The following NCOA1 variants were observed in gnomAD, a reference collection of about 807,000 sequenced individuals.
NCOA1 encodes the protein nuclear receptor coactivator 1, also known as Hin-2 protein.
NCOA1 carries 35 observed loss-of-function variants against 150.9 expected under a neutral mutation model. The observed-to-expected ratio is 0.23, with a 90% CI of 0.18 to 0.31. The LOEUF (loss-of-function observed/expected upper bound fraction) is 0.31. Ranked by LOEUF, NCOA1 falls within the 10% of genes least tolerant of loss-of-function variation. The probability of loss-of-function intolerance (pLI) is 1.00; values close to 1 mark genes in which losing one functional copy is unlikely to be tolerated. For missense variants in NCOA1, 1,491 were observed against 1,749.3 expected (o/e 0.85, Z 2.63); for synonymous variants, 590 against 630.0 (o/e 0.94, Z 0.95).
intron 6 of NCOA1, 100 bp from the exon 7 acceptor site, chr2:24,673,265 AT>A (rs1258443125): frequency 2.9e-6 from 2 of 696,114 alleles, no homozygotes; most frequent in Middle Eastern, 4.1e-4. Context: ...ACTAAATGTT[AT>A]TTGAATTTGA....
At chr2:24,749,824 A>C (rs912691001) in intron 19 of NCOA1, among the ~76,000 whole-genome samples, 1 of 152,250 alleles carries the variant, frequency 6.6e-6, no homozygotes, top group Non-Finnish European at 1.5e-5. Context: ...ACCTGTAATG[A>C]GGAGAAAAAT....
intron 2 of NCOA1, among the ~76,000 whole-genome samples, chr2:24,577,938 C>G (rs759102186): frequency 6.6e-5 from 10 of 152,146 alleles, no homozygotes; most frequent in African/African-American, 2.2e-4. Flanking sequence ...TCAACCTTAT[C>G]TGAGTTTACC....
intron 1 of NCOA1, among the ~76,000 whole-genome samples, chr2:24,498,927 A>T (rs906796808): frequency 6.6e-6 from 1 of 152,150 alleles, no homozygotes; most frequent in Non-Finnish European, 1.5e-5. Context: ...ATTTTTATGT[A>T]TATTTAAACA....
chr2:24,499,530 CTTTTT>C (rs576933914), intron 1 of NCOA1, among the ~76,000 whole-genome samples: 1 of 148,926 alleles, frequency 6.7e-6, no homozygotes, highest in Admixed American at 6.7e-5. Context: ...ATACCATTGA[CTTTTT>C]TTTTTAAGCA....
Position 24,707,140 on chromosome 2 carries a change from G to A in NCOA1, c.1670G>A (p.Ser557Asn). 1.2e-6 allele frequency: 2 copies of A among 1,614,206 alleles called. No individual in the cohort carries two copies. Among genetic ancestry groups the A allele is most frequent in the Non-Finnish European group, 1.7e-6 (2 of 1,180,036 alleles). Residue 557 changes from serine (S) to asparagine (N), a missense_variant, in exon 13 of 23, where the codon AGT becomes AAT. Coordinates refer to ENST00000348332, the MANE Select transcript of NCOA1 (RefSeq NM_003743.5). ...GPNNSVGFSASSPVLRQMSSQ... is the reference protein window; with the variant it reads ...GPNNSVGFSANSPVLRQMSSQ... ...AATAACTCCGTTGGCTTCTCTGCCA[G>A]TTCTCCAGTCCTCAGGCAGATGAGC...
In NCOA1 at chr2:24,710,972, G is replaced by T; in HGVS notation, c.2460G>T (p.Thr820=). ...DLDQFDQLLP[T]LEKAAQLPGL... The stretch of plus-strand genomic sequence containing the variant: ...ACCAGTTTGATCAGTTACTGCCCAC[G>T]CTGGAGAAGGCAGCACAGTTGCCAG... Residue 820 remains threonine, a synonymous_variant, in exon 14 of 23, where the codon ACG becomes ACT. Coordinates refer to ENST00000348332, the MANE Select transcript of NCOA1 (RefSeq NM_003743.5). 4 of 1,614,046 alleles carry T rather than the reference G, an allele frequency of 2.5e-6. No homozygotes were observed. The highest frequency in any genetic ancestry group is 3.4e-6 in the Non-Finnish European group (4 of 1,179,982).
At chr2:24,513,515 GC>G (rs1395852464) in intron 1 of NCOA1, among the ~76,000 whole-genome samples, 7 of 151,802 alleles carry the variant, frequency 4.6e-5, no homozygotes, top group African/African-American at 1.7e-4. Context: ...ATTAGACAAT[GC>G]TGTAGTCAAC....
At chr2:24,595,838 G>A (rs1014597807) in intron 3 of NCOA1, among the ~76,000 whole-genome samples, 2 of 152,136 alleles carry the variant, frequency 1.3e-5, no homozygotes, top group East Asian at 1.9e-4. Flanking sequence ...AGAGATCTCC[G>A]ATAATTTGCC....
At chr2:24,495,092 GTTTTTTTTTTGT>G (rs917977820) in intron 1 of NCOA1, among the ~76,000 whole-genome samples, 2 of 103,620 alleles carry the variant, frequency 1.9e-5, no homozygotes, top group Admixed American at 9.7e-5. Context: ...AGATGAAGGT[GTTTTTTTTTTGT>G]TTTTTTTTTT....
At chr2:24,690,122 T>C (rs1360840465) in intron 8 of NCOA1, among the ~76,000 whole-genome samples, 1 of 152,242 alleles carries the variant, frequency 6.6e-6, no homozygotes, top group Non-Finnish European at 1.5e-5. Context: ...ATTTTGAAAT[T>C]TTAAAGTATA....
At chr2:24,608,600 G>A (rs1316166393) in intron 3 of NCOA1, among the ~76,000 whole-genome samples, 4 of 150,952 alleles carry the variant, frequency 2.6e-5, no homozygotes, top group African/African-American at 4.9e-5. Context: ...CATTACCATG[G>A]TACATTTGTC....
At chr2:24,494,378 T>G (rs938132318) in intron 1 of NCOA1, among the ~76,000 whole-genome samples, 4 of 152,204 alleles carry the variant, frequency 2.6e-5, no homozygotes, top group African/African-American at 9.7e-5. Flanking sequence ...TTTTGCTGCG[T>G]CTCCCAAGGA....
chr2:24,656,588 G>A (rs1338037638), intron 4 of NCOA1, among the ~76,000 whole-genome samples: 4 of 152,112 alleles, frequency 2.6e-5, no homozygotes, highest in Admixed American at 2.6e-4. Context: ...CTATACTTTT[G>A]GATCTGTTAA....
At chr2:24,732,126 G>A (rs994963829) in intron 17 of NCOA1, among the ~76,000 whole-genome samples, 1 of 152,258 alleles carries the variant, frequency 6.6e-6, no homozygotes, top group Middle Eastern at 3.4e-3. Context: ...GATGATTCAT[G>A]CTTGATTCAG....
intron 8 of NCOA1, among the ~76,000 whole-genome samples, chr2:24,688,244 A>G (rs1001029810): frequency 6.6e-6 from 1 of 152,288 alleles, no homozygotes; most frequent in Admixed American, 6.5e-5. Flanking sequence ...TGGTGGAATG[A>G]TTTATATTCC....
chr2:24,694,205 A>T (rs1248112203), intron 10 of NCOA1, among the ~76,000 whole-genome samples: 1 of 152,224 alleles, frequency 6.6e-6, no homozygotes, highest in African/African-American at 2.4e-5. Context: ...TTCAGCAAGA[A>T]CAAGTTGTTA....
chr2:24,637,169 T>C (rs1669975561), intron 3 of NCOA1, among the ~76,000 whole-genome samples: 1 of 150,850 alleles, frequency 6.6e-6, no homozygotes, highest in Admixed American at 6.6e-5. Context: ...GCCATGCTGG[T>C]GTGCTGCACC....
chr2:24,630,912 A>G (rs1669679962), intron 3 of NCOA1, among the ~76,000 whole-genome samples: 1 of 152,182 alleles, frequency 6.6e-6, no homozygotes, highest in South Asian at 2.1e-4. Flanking sequence ...TGTATCGAAT[A>G]TTTTACAGCA....
At chr2:24,608,898 G>C (rs530928930) in intron 3 of NCOA1, among the ~76,000 whole-genome samples, 7 of 152,094 alleles carry the variant, frequency 4.6e-5, no homozygotes, top group African/African-American at 1.7e-4. Context: ...GGGTTTGTCT[G>C]ATGTTTTTCT....
Sources: allele counts gnomAD v4.1 joint callset (sites outside exome capture counted in the v4.1 genomes callset), GRCh38; gene constraint gnomAD v4.1.1; transcripts MANE v1.5; gene names NCBI Gene and HGNC (gene_info 2026-07-23, HGNC 2026-07-21).